NBPF11: variants seen among roughly 807,000 people sequenced by gnomAD.
The protein encoded by NBPF11 is NBPF family member NBPF11.
NBPF11 carries 72 observed loss-of-function variants against 93.9 expected under a neutral mutation model. That is an observed-to-expected ratio of 0.77 (90% CI 0.63 to 0.93). NBPF11 has a LOEUF of 0.93. Among genes scored for constraint, NBPF11 ranks in the 40% least tolerant of loss-of-function variants. NBPF11 has a pLI of 0.00. For missense variants in NBPF11, 705 were observed against 802.2 expected, an observed-to-expected ratio of 0.88 and a Z score of 1.46; for synonymous variants, 224 against 304.9, an observed-to-expected ratio of 0.73 and a Z score of 2.76.
At chr1:148,124,245 C>T (rs1488328374) in intron 6 of NBPF11, among the ~76,000 whole-genome samples, 178 bp from the exon 7 acceptor site, 1 of 150,130 alleles carries the variant, frequency 6.7e-6, no homozygotes, top group Non-Finnish European at 1.5e-5. Flanking sequence ...TACAGGCTTT[C>T]CCTCTATCAG....
rs1178657847 is a variant in NBPF11 at position 148,145,682 on chromosome 1, C to T, written c.-548-1996G>A. 6.6e-5 allele frequency among the ~76,000 whole-genome samples: 10 copies of T among 151,560 alleles called. 1 individual carries two copies. The highest frequency in any genetic ancestry group is 2.1e-4 in the South Asian group (1 of 4,800). On this transcript the variant is annotated intron_variant, in intron 1 of 23. Transcript: ENST00000682118. ...TCACTTGAGCCCAGGAATTCCGTATCGGGCTATGCAACATGGCAAAACCCC... is the reference window on the plus strand; with the variant it reads ...TCACTTGAGCCCAGGAATTCCGTATTGGGCTATGCAACATGGCAAAACCCC...
intron 1 of NBPF11, chr1:148,146,839 G>A (rs1174618270): frequency 2.2e-5 from 36 of 1,613,692 alleles, no homozygotes; most frequent in South Asian, 5.5e-5. Flanking sequence ...CGACTCCTCC[G>A]GCTACGGTGC....
In NBPF11 at chr1:148,152,015, G is replaced by C. The variant is rs1261020137; in HGVS notation, c.-814C>G. 1.3e-5 allele frequency: 2 copies of C among 152,118 alleles called. No homozygotes were observed. Among genetic ancestry groups the C allele is most frequent in the African/African-American group, 4.8e-5 (2 of 41,320 alleles). The allele number at this position is 152,118 out of a possible 1,614,324, so 9.4% of individuals were successfully genotyped here. On this transcript the variant is annotated 5_prime_UTR_variant, in exon 1 of 24. Transcript: ENST00000682118. Reference sequence around the variant, plus strand: ...GATGGGCCGTGTCAGGAGAGCCCAAGGCACAGGCGCAGCTGGGCCTTAAAG... The same window carrying C: ...GATGGGCCGTGTCAGGAGAGCCCAACGCACAGGCGCAGCTGGGCCTTAAAG...
Position 148,125,873 on chromosome 1 carries a change from G to A in NBPF11, c.176-872C>T, listed in dbSNP as rs1213454803. 4.2e-4 allele frequency among the ~76,000 whole-genome samples: 64 copies of A among 152,128 alleles called. 1 individual carries two copies. Among genetic ancestry groups the A allele is most frequent in the Admixed American group, 4.6e-4 (7 of 15,300 alleles). ...GGGTCCCTGCTTTGCACACTGCACT[G>A]CTGCTTCCACACGTTCTCGGGTGTG... On this transcript the variant is annotated intron_variant, in intron 5 of 23. Coordinates refer to ENST00000682118, the MANE Select transcript of NBPF11 (RefSeq NM_001385469.3).
At chr1:148,110,159 G>A (rs1553268347) in intron 16 of NBPF11, among the ~76,000 whole-genome samples, 2 of 151,910 alleles carry the variant, frequency 1.3e-5, no homozygotes, top group Non-Finnish European at 2.9e-5. Context: ...AGGTTGGCAT[G>A]GGCATGGCCT....
At chr1:148,145,133 T>C (rs1451038813) in intron 1 of NBPF11, among the ~76,000 whole-genome samples, 1 of 147,964 alleles carries the variant, frequency 6.8e-6, no homozygotes, top group Non-Finnish European at 1.5e-5. Flanking sequence ...TAAAATAAAA[T>C]TGCTATAAGG....
At chr1:148,115,633 C>T (rs1463083197) in intron 14 of NBPF11, among the ~76,000 whole-genome samples, 160 bp downstream of exon 14, 20,845 of 151,296 alleles carry the variant, frequency 0.14, 1,615 homozygotes, top group East Asian at 0.28. Context: ...CAAACAAAGG[C>T]ATGACATTAG....
At position 148,116,145 on chromosome 1, in the gene NBPF11, T is replaced by C. The variant is rs1256825990; in HGVS notation, c.1380-147A>G. ...GTTCCCATTAAGAGGGAACATGCAA[T>C]CCTGTTCTGTCTGCAACAGAGCATG... On this transcript the variant is annotated intron_variant, in intron 13 of 23. Transcript: ENST00000682118. 42 of 1,081,094 alleles carry C rather than the reference T, an allele frequency of 3.9e-5. No individual in the cohort carries two copies. The Admixed American group carries it at 6.7e-4, about 17-fold the overall frequency. 67.0% of individuals were successfully genotyped at this position (1,081,094 alleles called of 1,614,324 possible).
At chr1:148,126,158 G>A (rs1223822749) in intron 5 of NBPF11, among the ~76,000 whole-genome samples, 16 of 151,690 alleles carry the variant, frequency 1.1e-4, no homozygotes, top group South Asian at 2.1e-4. Context: ...CCGCCACGAC[G>A]CCCATCTACT....
intron 15 of NBPF11, among the ~76,000 whole-genome samples, chr1:148,112,220 T>A (rs2149197713): frequency 6.8e-6 from 1 of 147,794 alleles, no homozygotes; most frequent in East Asian, 2.0e-4. Flanking sequence ...TAGTTACATA[T>A]GTATACATGT....
At chr1:148,149,559 G>A in intron 1 of NBPF11, 2 of 1,594,048 alleles carry the variant, frequency 1.3e-6, no homozygotes, top group South Asian at 2.2e-5. Context: ...CCCAGCCAGC[G>A]CGCCTAGCGG....
chr1:148,136,281 A>T (rs1671263812), intron 3 of NBPF11, among the ~76,000 whole-genome samples: 1 of 151,834 alleles, frequency 6.6e-6, no homozygotes, highest in South Asian at 2.1e-4. Context: ...GAATGTCCAT[A>T]GCAGTTTTAT....
rs1351852085 is a variant in NBPF11, at chr1:148,122,802, C to G, written c.494-1G>C. 3.1e-6 allele frequency: 5 copies of G among 1,609,620 alleles called. No homozygotes were observed. In the African/African-American group the frequency reaches 5.4e-5, roughly 17 times the overall value. On this transcript the variant is annotated splice_acceptor_variant, in intron 7 of 23. Transcript: ENST00000682118. LOFTEE classifies it high-confidence loss of function. ...TCTTCATCCTCATCTTCGTCATTTTCTATAAATACAAAATGTTCGTTCAGA... is the reference window on the plus strand; with the variant it reads ...TCTTCATCCTCATCTTCGTCATTTTGTATAAATACAAAATGTTCGTTCAGA...
chr1:148,121,085 C>A (rs1420694571), intron 9 of NBPF11, among the ~76,000 whole-genome samples: 1 of 151,638 alleles, frequency 6.6e-6, no homozygotes. Flanking sequence ...CACTCTGTCG[C>A]GCAGGCTGCA....
chr1:148,141,927 A>G (rs1476733980), intron 2 of NBPF11, among the ~76,000 whole-genome samples: 1 of 150,944 alleles, frequency 6.6e-6, no homozygotes, highest in African/African-American at 2.4e-5. Flanking sequence ...ATAGTAGAAC[A>G]AAAAGGAAAG....
At chr1:148,151,243 G>A (rs1200584051) in intron 1 of NBPF11, among the ~76,000 whole-genome samples, 33 of 152,050 alleles carry the variant, frequency 2.2e-4, no homozygotes, top group African/African-American at 7.7e-4. Context: ...TTCAGTGATC[G>A]CTACAAACGC....
chr1:148,110,979 TTTTCAA>T (rs1482053132), intron 15 of NBPF11, among the ~76,000 whole-genome samples: 3 of 151,772 alleles, frequency 2.0e-5, no homozygotes, highest in African/African-American at 7.3e-5. Context: ...TATATTTACT[TTTTCAA>T]TTTCTTTTCT....
At chr1:148,150,519 AAAG>A (rs1200439293) in intron 1 of NBPF11, among the ~76,000 whole-genome samples, 3 of 151,742 alleles carry the variant, frequency 2.0e-5, no homozygotes, top group Non-Finnish European at 2.9e-5. Flanking sequence ...TAGAAAAAAA[AAAG>A]AGCTTTTGGT....
chr1:148,105,701 A>T (rs1357201806), intron 21 of NBPF11, among the ~76,000 whole-genome samples, 173 bp from the exon 22 acceptor site: 13 of 113,052 alleles, frequency 1.1e-4, no homozygotes, highest in African/African-American at 5.6e-4. Flanking sequence ...CCAAATGGAA[A>T]AGAATGAAAG....
Sources: gnomAD v4.1 joint callset for allele counts (sites outside exome capture counted in the v4.1 genomes callset) on GRCh38, gnomAD v4.1.1 for gene constraint, MANE v1.5 for transcripts, NCBI Gene and HGNC (gene_info 2026-07-23, HGNC 2026-07-21) for gene names.